Variants in ANKH observed in about 807,000 individuals in gnomAD.
The protein encoded by ANKH is mineralization regulator ANKH.
ANKH carries 15 observed loss-of-function variants against 49.0 expected under a neutral mutation model. The ratio of observed to expected loss-of-function variants is 0.31; its 90% CI spans 0.20 to 0.47. The LOEUF (loss-of-function observed/expected upper bound fraction) is 0.47. Ranked by LOEUF, ANKH falls within the 20% of genes least tolerant of loss-of-function variation. The pLI, the probability that ANKH is intolerant of heterozygous loss-of-function variation, is 1.00. For missense variants in ANKH, 429 were observed against 652.0 expected (o/e 0.66, Z 3.72); for synonymous variants, 273 against 260.0 (o/e 1.05, Z -0.48).
At chr5:14,805,862 G>A (rs777914945) in intron 1 of ANKH, among the ~76,000 whole-genome samples, 2 of 152,070 alleles carry the variant, frequency 1.3e-5, no homozygotes, top group East Asian at 1.9e-4. Context: ...CGATAAAGCC[G>A]GACTCCTGGC....
chr5:14,742,279 C>G (rs1166093236), intron 7 of ANKH, among the ~76,000 whole-genome samples: 1 of 152,214 alleles, frequency 6.6e-6, no homozygotes, highest in Non-Finnish European at 1.5e-5. Context: ...GCCTGGCCAC[C>G]ATCGGCATCT....
rs749320579 is a variant in ANKH at position 14,711,320 on chromosome 5, A to G, written c.1366-10T>C. On this transcript the variant is annotated splice_polypyrimidine_tract_variant and intron_variant, in intron 11 of 11. Coordinates refer to ENST00000284268, the MANE Select transcript of ANKH (RefSeq NM_054027.6). Reference sequence around the variant, plus strand: ...TCTCCATCTTCTTTTTCTAGACCAAAGAAGACTCATCAGTGTGGGGCTGTG... The same window carrying G: ...TCTCCATCTTCTTTTTCTAGACCAAGGAAGACTCATCAGTGTGGGGCTGTG... 1.9e-6 allele frequency: 3 copies of G among 1,611,984 alleles called. No individual in the cohort carries two copies. The South Asian group carries it at 3.3e-5, about 18-fold the overall frequency.
intron 2 of ANKH, among the ~76,000 whole-genome samples, chr5:14,763,573 C>A (rs554383783): frequency 6.6e-6 from 1 of 152,264 alleles, no homozygotes; most frequent in Non-Finnish European, 1.5e-5. Context: ...TGAAGAGATA[C>A]CATAAACCCA....
intron 1 of ANKH, among the ~76,000 whole-genome samples, chr5:14,855,838 A>T (rs1166602183): frequency 6.6e-6 from 1 of 151,588 alleles, no homozygotes; most frequent in East Asian, 1.9e-4. Context: ...GTGGAAAAAA[A>T]AAAGAAAAAG....
At chr5:14,723,791 A>G (rs1374528920) in intron 8 of ANKH, among the ~76,000 whole-genome samples, 1 of 152,232 alleles carries the variant, frequency 6.6e-6, no homozygotes, top group Non-Finnish European at 1.5e-5. Context: ...CCCAAGACAC[A>G]TTCATTTCTA....
intron 9 of ANKH, among the ~76,000 whole-genome samples, chr5:14,715,218 G>A (rs1367069748): frequency 6.6e-6 from 1 of 152,194 alleles, no homozygotes; most frequent in Non-Finnish European, 1.5e-5. Context: ...TGCAATCTCT[G>A]CCTCCTGGGT....
chr5:14,741,952 G>A (rs1232364271), intron 7 of ANKH, 30 bp from the exon 8 acceptor site: 4 of 1,575,336 alleles, frequency 2.5e-6, no homozygotes, highest in Non-Finnish European at 3.5e-6. Context: ...GTCATGAATG[G>A]GCCCGGCTTA....
chr5:14,747,417 A>G (rs1489311170), intron 6 of ANKH, among the ~76,000 whole-genome samples: 1 of 152,088 alleles, frequency 6.6e-6, no homozygotes, highest in Non-Finnish European at 1.5e-5. Context: ...CCGTCTCTAC[A>G]AAAGAAATTC....
rs564876725 is a variant in ANKH at position 14,749,335 on chromosome 5, C to T, written c.688-29G>A. 7 of 1,613,724 alleles carry T rather than the reference C, an allele frequency of 4.3e-6. No individual in the cohort carries two copies. In the Admixed American group the frequency reaches 8.3e-5, roughly 19 times the overall value. ...TGTTAAGAAACGAAGATAAAAGTTA[C>T]CTGAACTCTAGAAGCAGAATGGAAA... On this transcript the variant is annotated intron_variant, in intron 5 of 11. Transcript: ENST00000284268.
chr5:14,763,550 A>G (rs112793694), intron 2 of ANKH, among the ~76,000 whole-genome samples: 1,943 of 152,360 alleles, frequency 0.013, 16 homozygotes, highest in Non-Finnish European at 0.021. Flanking sequence ...GGGCATAAAT[A>G]TCACCTAGGT....
chr5:14,839,398 CAG>C (rs1211813846), intron 1 of ANKH, among the ~76,000 whole-genome samples: 2 of 151,670 alleles, frequency 1.3e-5, no homozygotes, highest in Non-Finnish European at 2.9e-5. Context: ...CACGCACAGA[CAG>C]AGTTTTGGCT....
chr5:14,723,691 CTCTGT>C (rs2126431741), intron 8 of ANKH, among the ~76,000 whole-genome samples: 1 of 152,296 alleles, frequency 6.6e-6, no homozygotes, highest in African/African-American at 2.4e-5. Context: ...TAATTCACTT[CTCTGT>C]TATTTGACAG....
At chr5:14,751,738 A>C (rs1280763697) in intron 4 of ANKH, among the ~76,000 whole-genome samples, 2 of 152,186 alleles carry the variant, frequency 1.3e-5, no homozygotes, top group Admixed American at 1.3e-4. Context: ...CCCCTCAAGA[A>C]TTGCCACTGA....
In ANKH at chr5:14,710,844, G is replaced by A. The variant is rs899231430; in HGVS notation, c.*353C>T. Reference sequence around the variant, plus strand: ...GCCTGCTGTGCAGGGTGACCGAGGCGCGATGGCACAGCTGCAGTCCTTTGG... The same window carrying A: ...GCCTGCTGTGCAGGGTGACCGAGGCACGATGGCACAGCTGCAGTCCTTTGG... On this transcript the variant is annotated 3_prime_UTR_variant, in exon 12 of 12. Coordinates refer to ENST00000284268, the MANE Select transcript of ANKH (RefSeq NM_054027.6). The A allele has an allele frequency of 1.2e-5, 4 of 344,938 alleles. No homozygotes were observed. The highest frequency in any genetic ancestry group is 2.3e-5 in the Non-Finnish European group (4 of 177,398). The allele number at this position is 344,938 out of a possible 1,614,324, so 21.4% of individuals were successfully genotyped here.
At chr5:14,767,952 C>T (rs1205247049) in intron 2 of ANKH, among the ~76,000 whole-genome samples, 1 of 152,094 alleles carries the variant, frequency 6.6e-6, no homozygotes, top group African/African-American at 2.4e-5. Context: ...TGCCCTGAAG[C>T]TCTGAGCACA....
At position 14,722,092 on chromosome 5, in the gene ANKH, T is replaced by C. The variant is rs549302878; in HGVS notation, c.1012-5257A>G. On this transcript the variant is annotated intron_variant, in intron 8 of 11. Transcript: ENST00000284268. ...GTCCATTTGAAAAAACAGGACGCTT[T>C]AGAAGTTCCCTTGACAAAGAGTATC... Among the ~76,000 whole-genome samples, 5 of 152,286 alleles carry C rather than the reference T, an allele frequency of 3.3e-5. No individual in the cohort carries two copies. In the South Asian group the frequency reaches 1.0e-3, roughly 32 times the overall value.
At chr5:14,831,389 A>T (rs900922757) in intron 1 of ANKH, among the ~76,000 whole-genome samples, 7 of 152,208 alleles carry the variant, frequency 4.6e-5, no homozygotes, top group Non-Finnish European at 1.0e-4. Context: ...AAGTCATTAA[A>T]TGCCTAATAC....
At chr5:14,731,218 C>T (rs563700747) in intron 8 of ANKH, among the ~76,000 whole-genome samples, 2 of 152,174 alleles carry the variant, frequency 1.3e-5, no homozygotes, top group African/African-American at 4.8e-5. Context: ...ATTTCCAAAT[C>T]GGCCATGGCT....
intron 8 of ANKH, among the ~76,000 whole-genome samples, chr5:14,731,092 G>A (rs16903669): frequency 0.017 from 2,522 of 152,328 alleles, 74 homozygotes; most frequent in African/African-American, 0.058. Flanking sequence ...GGCCCAACAC[G>A]GGCGTGAAAG....
Sources: allele counts gnomAD v4.1 joint callset (sites outside exome capture counted in the v4.1 genomes callset), GRCh38; gene constraint gnomAD v4.1.1; transcripts MANE v1.5; gene names NCBI Gene and HGNC (gene_info 2026-07-23, HGNC 2026-07-21).